Variants in UVRAG observed in about 807,000 individuals in gnomAD.
The protein encoded by UVRAG is UV radiation resistance-associated gene protein.
In UVRAG, 19 loss-of-function variants were observed where a neutral mutation model predicts 78.0. The ratio of observed to expected loss-of-function variants is 0.24; its 90% CI spans 0.17 to 0.36. UVRAG has a LOEUF of 0.36. Ranked by LOEUF, UVRAG falls within the 10% of genes least tolerant of loss-of-function variation. The pLI, the probability that UVRAG is intolerant of heterozygous loss-of-function variation, is 1.00. For synonymous variants in UVRAG, 323 were observed against 324.6 expected (o/e 1.00, Z 0.05); for missense variants, 740 against 853.8 (o/e 0.87, Z 1.66).
intron 12 of UVRAG, among the ~76,000 whole-genome samples, chr11:76,058,387 G>A (rs1445770954): frequency 6.6e-6 from 1 of 151,734 alleles, no homozygotes; most frequent in Non-Finnish European, 1.5e-5. Context: ...CAAAAAGTTA[G>A]CCAGGTGTGG....
chr11:75,919,210 A>G (rs1253038064), intron 6 of UVRAG, among the ~76,000 whole-genome samples: 1 of 152,002 alleles, frequency 6.6e-6, no homozygotes, highest in East Asian at 1.9e-4. Flanking sequence ...ACCAACTTTT[A>G]GGCTGCAGGA....
intron 6 of UVRAG, among the ~76,000 whole-genome samples, chr11:75,933,189 G>A (rs999863063): frequency 6.6e-6 from 1 of 152,000 alleles, no homozygotes; most frequent in South Asian, 2.1e-4. Context: ...AATAAAGAAC[G>A]CAGAAATAAA....
In UVRAG at chr11:75,856,057, C is replaced by G. The variant is rs563817451; in HGVS notation, c.235+4057C>G. Among the ~76,000 whole-genome samples the G allele has an allele frequency of 4.0e-4, 61 of 152,162 alleles. No individual in the cohort carries two copies. In the South Asian group the frequency reaches 0.012, roughly 31 times the overall value. On this transcript the variant is annotated intron_variant, in intron 2 of 14. Coordinates refer to ENST00000356136, the MANE Select transcript of UVRAG (RefSeq NM_003369.4). ...CAGGCTGGAGTGCAGTGGCGCGATT[C>G]CAGCTCACTGCAAGCTCCGCCTCCT...
chr11:75,983,761 A>G (rs1207725937), intron 8 of UVRAG: 6 of 349,362 alleles, frequency 1.7e-5, no homozygotes, highest in Non-Finnish European at 3.1e-5. Context: ...GTAAACTTGT[A>G]CAGCATGTTA....
intron 5 of UVRAG, among the ~76,000 whole-genome samples, chr11:75,905,254 A>G (rs528207879): frequency 1.3e-5 from 2 of 152,244 alleles, no homozygotes; most frequent in East Asian, 1.9e-4. Context: ...CTTAAAATGT[A>G]TTGATTATTT....
Position 75,904,406 on chromosome 11 carries a change from G to A in UVRAG, c.508-7548G>A, listed in dbSNP as rs146599004. 4.9e-3 allele frequency among the ~76,000 whole-genome samples: 753 copies of A among 152,264 alleles called. 4 individuals are homozygous for A. The highest frequency in any genetic ancestry group is 0.017 in the African/African-American group (686 of 41,546). ...ACAGATAACCAGATACAAATGAGCC[G>A]TTTCTTTCCATTATAATCCTTCATC... On this transcript the variant is annotated intron_variant, in intron 5 of 14. Transcript: ENST00000356136.
At chr11:76,091,423 G>C (rs1020180405) in intron 13 of UVRAG, among the ~76,000 whole-genome samples, 3 of 151,968 alleles carry the variant, frequency 2.0e-5, no homozygotes, top group African/African-American at 7.3e-5. Context: ...ATTAAGTTCT[G>C]GGAAAATTCC....
chr11:75,880,134 TAAAG>T (rs1456994152), intron 4 of UVRAG, 94 bp downstream of exon 4: 34 of 1,444,496 alleles, frequency 2.4e-5, no homozygotes, highest in Middle Eastern at 3.7e-4. Context: ...TTTCCTATTA[TAAAG>T]AGAGACTTTT....
At chr11:75,848,125 G>A (rs967674685) in intron 1 of UVRAG, among the ~76,000 whole-genome samples, 2 of 151,780 alleles carry the variant, frequency 1.3e-5, no homozygotes, top group East Asian at 1.9e-4. Flanking sequence ...TTGAGCCTGG[G>A]AGGTTGAGGC....
intron 13 of UVRAG, among the ~76,000 whole-genome samples, chr11:76,107,039 A>G (rs1405718084): frequency 6.6e-6 from 1 of 152,196 alleles, no homozygotes; most frequent in Non-Finnish European, 1.5e-5. Flanking sequence ...TGCGTTACTA[A>G]TCCTCCTTAG....
intron 1 of UVRAG, among the ~76,000 whole-genome samples, chr11:75,850,670 A>C (rs1398690857): frequency 1.3e-5 from 2 of 152,238 alleles, no homozygotes; most frequent in African/African-American, 2.4e-5. Flanking sequence ...CTGTTTTTAA[A>C]GTTTTGACTG....
chr11:75,991,894 G>A (rs1167460453), intron 8 of UVRAG, among the ~76,000 whole-genome samples: 2 of 152,034 alleles, frequency 1.3e-5, no homozygotes, highest in South Asian at 4.2e-4. Context: ...CTCATATTTA[G>A]AGAATATGAG....
chr11:75,928,546 C>T (rs545250652), intron 6 of UVRAG, among the ~76,000 whole-genome samples: 1 of 151,910 alleles, frequency 6.6e-6, no homozygotes, highest in Admixed American at 6.6e-5. Flanking sequence ...GGGAGGATTG[C>T]TTGAGCCTAG....
intron 13 of UVRAG, among the ~76,000 whole-genome samples, chr11:76,088,216 A>G (rs1010436156): frequency 6.6e-6 from 1 of 152,214 alleles, no homozygotes; most frequent in South Asian, 2.1e-4. Flanking sequence ...TAATGACATC[A>G]GTGATACCAT....
At chr11:75,964,623 C>T (rs1239130865) in intron 7 of UVRAG, among the ~76,000 whole-genome samples, 1 of 152,154 alleles carries the variant, frequency 6.6e-6, no homozygotes, top group Non-Finnish European at 1.5e-5. Context: ...CAGTTTAGGG[C>T]TGGGCGTGGT....
At chr11:76,103,555 T>G (rs1951917936) in intron 13 of UVRAG, among the ~76,000 whole-genome samples, 2 of 148,908 alleles carry the variant, frequency 1.3e-5, no homozygotes, top group Non-Finnish European at 3.0e-5. Context: ...TTTTTTTTTT[T>G]GAAGCTACAT....
At chr11:75,819,715 T>G (rs1945344158) in intron 1 of UVRAG, among the ~76,000 whole-genome samples, 1 of 149,894 alleles carries the variant, frequency 6.7e-6, no homozygotes, top group African/African-American at 2.4e-5. Flanking sequence ...ATGCCTCTAA[T>G]ACCAGCACTT....
chr11:76,000,140 C>G (rs1045833274), intron 8 of UVRAG, among the ~76,000 whole-genome samples: 1 of 152,106 alleles, frequency 6.6e-6, no homozygotes, highest in Non-Finnish European at 1.5e-5. Context: ...ATGGAACATA[C>G]TGAAAACAGC....
At chr11:76,093,896 T>C (rs1271450993) in intron 13 of UVRAG, among the ~76,000 whole-genome samples, 2 of 152,202 alleles carry the variant, frequency 1.3e-5, no homozygotes, top group Non-Finnish European at 1.5e-5. Flanking sequence ...TAACACTATA[T>C]TGAATAGGAG....
Sources: allele counts gnomAD v4.1 joint callset (sites outside exome capture counted in the v4.1 genomes callset), GRCh38; gene constraint gnomAD v4.1.1; transcripts MANE v1.5; gene names NCBI Gene and HGNC (gene_info 2026-07-23, HGNC 2026-07-21).